Variants in ST6GALNAC2 observed in about 807,000 individuals in gnomAD.
The protein encoded by ST6GALNAC2 is ST6 N-acetylgalactosaminide alpha-2,6-sialyltransferase 2.
In ST6GALNAC2, 42 loss-of-function variants were observed where a neutral mutation model predicts 38.7. The ratio of observed to expected loss-of-function variants is 1.09; its 90% CI spans 0.85 to 1.40. The LOEUF is 1.40. Among genes scored for constraint, ST6GALNAC2 ranks in the 40% most tolerant of loss-of-function variants. The pLI is 0.00. For missense variants in ST6GALNAC2, 506 were observed against 481.7 expected, an observed-to-expected ratio of 1.05 and a Z score of -0.47; for synonymous variants, 233 against 209.0, an observed-to-expected ratio of 1.11 and a Z score of -0.99.
rs375265107 is a variant in ST6GALNAC2 at position 76,570,658 on chromosome 17, T to C, written c.680A>G (p.Tyr227Cys). 16 of 1,611,110 alleles carry C rather than the reference T, an allele frequency of 9.9e-6. No individual in the cohort carries two copies. Among genetic ancestry groups the C allele is most frequent in the South Asian group, 1.1e-5 (1 of 90,590 alleles). The stretch of plus-strand genomic sequence containing the variant: ...GCGGATGTCTGAGGGGATGAAGATA[T>C]ACTGCAGGTCCTGTCAGAATAGAGA... The part of the protein sequence containing the change: ...TSVPQGQDLQ[Y>C]IFIPSDIRDY... The change falls in exon 6 of 9, where the codon TAT becomes TGT. Residue 227 changes from tyrosine to cysteine, a missense_variant. Transcript: ENST00000225276.
At chr17:76,566,917 C>T (rs1010087276) in intron 8 of ST6GALNAC2, among the ~76,000 whole-genome samples, 1 of 152,152 alleles carries the variant, frequency 6.6e-6, no homozygotes, top group Non-Finnish European at 1.5e-5. Flanking sequence ...GCATGGGTCA[C>T]GGCCTCTCCT....
intron 2 of ST6GALNAC2, among the ~76,000 whole-genome samples, chr17:76,576,207 C>T (rs1036115905): frequency 1.1e-4 from 16 of 152,160 alleles, no homozygotes; most frequent in East Asian, 3.9e-4. Flanking sequence ...ACTGAGACTG[C>T]ACTGCAGCCT....
At chr17:76,579,100 G>A (rs2075448575) in intron 1 of ST6GALNAC2, 1 of 227,240 alleles carries the variant, frequency 4.4e-6, no homozygotes, top group Non-Finnish European at 8.9e-6. Context: ...TGTATTTTTA[G>A]TAGAGACGGG....
At chr17:76,576,272 C>T (rs924968326) in intron 2 of ST6GALNAC2, among the ~76,000 whole-genome samples, 7 of 152,110 alleles carry the variant, frequency 4.6e-5, no homozygotes, top group Admixed American at 3.9e-4. Context: ...AATAGCAAAA[C>T]GAAAAACCAC....
At chr17:76,572,591 A>G in intron 5 of ST6GALNAC2, 46 bp downstream of exon 5, 1 of 1,610,602 alleles carries the variant, frequency 6.2e-7, no homozygotes, top group Non-Finnish European at 8.5e-7. Flanking sequence ...TCCAGGAACA[A>G]TGGTGCCATT....
At chr17:76,582,386 T>TGCCCAGTATGGTC (rs71158027) in intron 1 of ST6GALNAC2, among the ~76,000 whole-genome samples, 4 of 139,844 alleles carry the variant, frequency 2.9e-5, no homozygotes, top group Non-Finnish European at 4.6e-5. Context: ...TTTGCCATGT[T>TGCCCAGTATGGTC]TCAAACTCCT....
In ST6GALNAC2 at chr17:76,583,423, A is replaced by C. The variant is rs971942482; in HGVS notation, c.125+2261T>G. On this transcript the variant is annotated intron_variant, in intron 1 of 8. Coordinates refer to ENST00000225276, the MANE Select transcript of ST6GALNAC2 (RefSeq NM_006456.3). ...ATTACTTGGGAGGCTGAGGTGGGAG[A>C]ATCATTTTAGCTCAGGAGGTGGAGG... Among the ~76,000 whole-genome samples, 8 of 149,960 alleles carry C rather than the reference A, an allele frequency of 5.3e-5. 1 individual carries two copies. The highest frequency in any genetic ancestry group is 1.0e-4 in the Non-Finnish European group (7 of 67,614).
chr17:76,584,394 C>A (rs2075519049), intron 1 of ST6GALNAC2, among the ~76,000 whole-genome samples: 1 of 152,064 alleles, frequency 6.6e-6, no homozygotes, highest in Non-Finnish European at 1.5e-5. Flanking sequence ...CGAGGTTTCG[C>A]CATGTTGCCC....
At chr17:76,578,647 A>C in intron 2 of ST6GALNAC2, 109 bp downstream of exon 2, 3 of 1,066,374 alleles carry the variant, frequency 2.8e-6, no homozygotes, top group Non-Finnish European at 4.2e-6. Context: ...GGCGTTCCAA[A>C]GAGCTCCTGC....
At position 76,585,789 on chromosome 17, in the gene ST6GALNAC2, G is replaced by A. The variant is rs2075538676; in HGVS notation, c.20C>T (p.Ser7Leu). The stretch of plus-strand genomic sequence containing the variant: ...GAGCAGGAGCAGCAGCCAGAAGAAC[G>A]ACCCGCGCGGGAGCCCCATACAGCC... MGLPRGSFFWLLLLLTA... is the reference protein window; with the variant it reads MGLPRGLFFWLLLLLTA... Residue 7 changes from serine (S) to leucine (L), a missense_variant, in exon 1 of 9, where the codon TCG (serine) becomes TTG (leucine). Transcript: ENST00000225276. 1 of 1,552,758 alleles carries A rather than the reference G, an allele frequency of 6.4e-7. No individual in the cohort carries two copies. The highest frequency in any genetic ancestry group is 8.7e-7 in the Non-Finnish European group (1 of 1,151,492).
chr17:76,576,738 AGGTG>A (rs1009265616), intron 2 of ST6GALNAC2, among the ~76,000 whole-genome samples: 1 of 152,142 alleles, frequency 6.6e-6, no homozygotes, highest in African/African-American at 2.4e-5. Flanking sequence ...TGGGAAGCAG[AGGTG>A]GGTGGATCAC....
At chr17:76,585,645 G>A (rs1056780638) in intron 1 of ST6GALNAC2, 39 bp downstream of exon 1, 1 of 1,485,044 alleles carries the variant, frequency 6.7e-7, no homozygotes, top group Non-Finnish European at 8.9e-7. Flanking sequence ...CGCCCTGGTC[G>A]CCCCTGCGCC....
At chr17:76,567,596 A>G (rs772012009) in intron 7 of ST6GALNAC2, 44 bp from the exon 8 acceptor site, 18 of 1,290,158 alleles carry the variant, frequency 1.4e-5, no homozygotes, top group Non-Finnish European at 1.8e-5. Context: ...CTTGATGGCT[A>G]TCATCACACT....
intron 1 of ST6GALNAC2, among the ~76,000 whole-genome samples, chr17:76,583,812 CTTT>C (rs71158029): frequency 3.7e-5 from 5 of 136,138 alleles, no homozygotes; most frequent in Admixed American, 7.6e-5. Flanking sequence ...TGTGATATTT[CTTT>C]TTTTTTTTTT....
rs747743430 is a variant in ST6GALNAC2, at chr17:76,574,352, G to A, written c.361+13C>T. The A allele has an allele frequency of 3.1e-5, 49 of 1,577,370 alleles. No individual in the cohort carries two copies. The highest frequency in any genetic ancestry group is 3.8e-5 in the Non-Finnish European group (44 of 1,155,436). ...AGGCAGAAGGCAGGTGAGAGACAGCGGGCGCGGGTTACCTTGGTGAGAGAG... is the reference window on the plus strand; with the variant it reads ...AGGCAGAAGGCAGGTGAGAGACAGCAGGCGCGGGTTACCTTGGTGAGAGAG... On this transcript the variant is annotated intron_variant, in intron 3 of 8. Transcript: ENST00000225276.
chr17:76,580,910 G>C (rs1238078940), intron 1 of ST6GALNAC2: 2 of 152,080 alleles, frequency 1.3e-5, no homozygotes, highest in Non-Finnish European at 2.9e-5. Flanking sequence ...ATTCCCAGGC[G>C]CTAGGTGGCC....
Position 76,566,126 on chromosome 17 carries a change from ATGCCGGCCT to A in ST6GALNAC2, c.1094_1102del (p.Lys365_Gly367del). 2 of 1,614,112 alleles carry A rather than the reference ATGCCGGCCT, an allele frequency of 1.2e-6. No individual in the cohort carries two copies. The highest frequency in any genetic ancestry group is 8.5e-7 in the Non-Finnish European group (1 of 1,179,994). On this transcript the variant is annotated inframe_deletion, in exon 9 of 9. Transcript: ENST00000225276. ...GGGTCAGCGCTGGTACAGCTGAAGG[ATGCCGGCCT>A]TGTGCAGGTCCCTCCACAGGGCAGC...
Position 76,572,727 on chromosome 17 carries a change from C to A in ST6GALNAC2, c.579G>T (p.Lys193Asn), listed in dbSNP as rs1393899799. The change falls in exon 5 of 9, where the codon AAG becomes AAT. Residue 193 changes from lysine (K) to asparagine (N), a missense_variant. By Grantham distance (94) the Lys-to-Asn change is moderately conservative. Transcript: ENST00000225276. The part of the protein sequence containing the change: ...IKGFERDVGT[K>N]TSFYGFTVNT... Reference sequence around the variant, plus strand: ...TCACAGTGAAACCATAGAAGGAAGTCTTGGTGCCCACATCGCGCTCGAAGC... The same window carrying A: ...TCACAGTGAAACCATAGAAGGAAGTATTGGTGCCCACATCGCGCTCGAAGC... The A allele has an allele frequency of 3.7e-6, 6 of 1,614,194 alleles. No homozygotes were observed. The highest frequency in any genetic ancestry group is 5.1e-6 in the Non-Finnish European group (6 of 1,180,024).
chr17:76,580,599 G>A (rs1047433960), intron 1 of ST6GALNAC2, among the ~76,000 whole-genome samples: 3 of 151,304 alleles, frequency 2.0e-5, no homozygotes, highest in African/African-American at 7.3e-5. Flanking sequence ...AGGAGGCTGA[G>A]GCCCAGGCTA....
Sources: gnomAD v4.1 joint callset for allele counts (sites outside exome capture counted in the v4.1 genomes callset) on GRCh38, gnomAD v4.1.1 for gene constraint, MANE v1.5 for transcripts, NCBI Gene and HGNC (gene_info 2026-07-23, HGNC 2026-07-21) for gene names.